Variants in LRRC74B observed in about 807,000 individuals in gnomAD.
The protein encoded by LRRC74B is leucine-rich repeat-containing protein 74B.
A neutral mutation model predicts 16.6 loss-of-function variants in LRRC74B; 30 were observed. That is an observed-to-expected ratio of 1.80 (90% confidence interval 1.35 to 2.45). The LOEUF is 2.45. LRRC74B is among the 30% of genes most tolerant of loss of function. LRRC74B has a pLI of 0.00. For synonymous variants in LRRC74B, 134 were observed against 86.0 expected, an observed-to-expected ratio of 1.56 and a Z score of -3.09; for missense variants, 326 against 202.4, an observed-to-expected ratio of 1.61 and a Z score of -3.71.
intron 1 of LRRC74B, among the ~76,000 whole-genome samples, chr22:21,046,532 A>G (rs1929451070): frequency 1.3e-5 from 2 of 152,126 alleles, no homozygotes; most frequent in South Asian, 4.1e-4. Context: ...ATTAGCTACC[A>G]CCACTAGCTG....
chr22:21,060,586 C>T (rs592302), downstream of LRRC74B: 1 of 662,098 alleles, frequency 1.5e-6, no homozygotes, highest in East Asian at 2.7e-5. Context: ...GGGTGAGGAG[C>T]TCTTTGACTC....
chr22:21,049,825 T>A (rs190151960), intron 4 of LRRC74B, among the ~76,000 whole-genome samples: 6 of 152,196 alleles, frequency 3.9e-5, no homozygotes, highest in African/African-American at 1.4e-4. Flanking sequence ...CTTGATCTCA[T>A]CACTGTCATG....
At chr22:21,046,299 TC>T (rs1384755841) in intron 1 of LRRC74B, among the ~76,000 whole-genome samples, 174 bp downstream of exon 1, 10 of 135,452 alleles carry the variant, frequency 7.4e-5, no homozygotes, top group Admixed American at 2.2e-4. Context: ...AAATGCAAAA[TC>T]CCGCCAGACA....
chr22:21,052,722 T>C (rs1046821047), intron 5 of LRRC74B, among the ~76,000 whole-genome samples: 2 of 152,166 alleles, frequency 1.3e-5, no homozygotes, highest in African/African-American at 4.8e-5. Context: ...GCACAGCCTC[T>C]CAAACACCCA....
intron 8 of LRRC74B, among the ~76,000 whole-genome samples, chr22:21,058,196 G>A (rs957824766): frequency 4.6e-5 from 7 of 151,764 alleles, no homozygotes; most frequent in South Asian, 2.1e-4. Flanking sequence ...CATTGCGCCT[G>A]GCGAATTTTG....
intron 1 of LRRC74B, 44 bp from the exon 2 acceptor site, chr22:21,047,312 T>C: frequency 1.4e-6 from 1 of 706,324 alleles, no homozygotes; most frequent in Non-Finnish European, 2.6e-6. Flanking sequence ...CACAGGTGGC[T>C]GTAGCTGTGC....
chr22:21,046,527 C>G (rs1929450571), intron 1 of LRRC74B, among the ~76,000 whole-genome samples: 1 of 152,172 alleles, frequency 6.6e-6, no homozygotes, highest in Non-Finnish European at 1.5e-5. Flanking sequence ...GCAGGATTAG[C>G]TACCACCACT....
downstream of LRRC74B, among the ~76,000 whole-genome samples, chr22:21,061,570 G>A (rs1930807944): frequency 6.6e-6 from 1 of 152,210 alleles, no homozygotes; most frequent in Non-Finnish European, 1.5e-5. Context: ...GCTGAGGTAG[G>A]AGGATTGCTT....
In LRRC74B at chr22:21,055,091, G is replaced by T. The variant is rs1307307317; in HGVS notation, c.849-7G>T. 7.0e-6 allele frequency: 5 copies of T among 716,822 alleles called. No homozygotes were observed. The East Asian group carries it at 1.3e-4, about 19-fold the overall frequency. 44.4% of individuals were successfully genotyped at this position (716,822 alleles called of 1,614,324 possible). A position where few individuals can be genotyped will look rare whatever the true frequency, so the allele number is the denominator to read the frequency against. ...CACAATGCATGTGCCTGTTGTTTTT[G>T]TTGCAGTAACAACCGCATCTCTGCG... On this transcript the variant is annotated splice_region_variant and splice_polypyrimidine_tract_variant and intron_variant, in intron 6 of 8. Transcript: ENST00000442047.
intron 8 of LRRC74B, among the ~76,000 whole-genome samples, chr22:21,058,665 C>T (rs1330344739): frequency 1.3e-5 from 2 of 152,168 alleles, no homozygotes; most frequent in African/African-American, 2.4e-5. Context: ...CGATGTCAAA[C>T]GTCCTTACCA....
At chr22:21,048,227 C>T (rs1459762475) in intron 3 of LRRC74B, 16 of 559,812 alleles carry the variant, frequency 2.9e-5, no homozygotes, top group African/African-American at 5.7e-5. Context: ...TCCTCACCCA[C>T]CCCACACCAT....
chr22:21,059,130 G>A lies in LRRC74B; in HGVS notation c.1024-1243G>A, dbSNP rs1165677209. ...TGGCCGGAGTTGGTAGCTCATGCCT[G>A]TAATCCCAGAACTTTGGGAGGCCGA... On this transcript the variant is annotated intron_variant, in intron 8 of 8. Coordinates refer to ENST00000442047, the Ensembl canonical transcript of LRRC74B. Among the ~76,000 whole-genome samples the A allele has an allele frequency of 2.0e-5, 3 of 152,120 alleles. 1 individual carries two copies. Among genetic ancestry groups the A allele is most frequent in the African/African-American group, 7.2e-5 (3 of 41,426 alleles).
chr22:21,046,166 G>A lies in LRRC74B; in HGVS notation c.139+41G>A, dbSNP rs1020869671. ...GGCAGGCCCGACTCCTCCCCTTTGG[G>A]GGTCTTCTCCCGCAGGGGTTGGGGG... is the stretch of plus-strand genomic sequence containing the variant. On this transcript the variant is annotated intron_variant, in intron 1 of 8. Transcript: ENST00000442047. 2.5e-5 allele frequency: 18 copies of A among 713,386 alleles called. 1 individual carries two copies. The highest frequency in any genetic ancestry group is 4.7e-5 in the Non-Finnish European group (18 of 384,270). 44.2% of individuals were successfully genotyped at this position (713,386 alleles called of 1,614,324 possible).
intron 6 of LRRC74B, among the ~76,000 whole-genome samples, chr22:21,054,607 G>A (rs1024439988): frequency 1.3e-5 from 2 of 152,250 alleles, no homozygotes; most frequent in Non-Finnish European, 2.9e-5. Flanking sequence ...AAGACTGGAG[G>A]CAGCCGCGGA....
intron 8 of LRRC74B, among the ~76,000 whole-genome samples, chr22:21,058,513 CA>C (rs902254312): frequency 3.3e-5 from 5 of 149,334 alleles, no homozygotes; most frequent in Admixed American, 6.7e-5. Context: ...GATTCTGTCT[CA>C]AAAAAAAAGG....
chr22:21,051,341 T>C (rs761839992), intron 4 of LRRC74B, among the ~76,000 whole-genome samples: 19 of 152,298 alleles, frequency 1.2e-4, no homozygotes, highest in Admixed American at 3.3e-4. Context: ...TCGGCCATGT[T>C]GCTCCGCCTT....
chr22:21,058,042 C>T (rs1490174108), intron 8 of LRRC74B, among the ~76,000 whole-genome samples: 4 of 149,080 alleles, frequency 2.7e-5, no homozygotes, highest in East Asian at 2.0e-4. Flanking sequence ...TGTGCCACCA[C>T]GCCCGGCTGA....
At chr22:21,047,263 C>G (rs1929522083) in intron 1 of LRRC74B, 93 bp from the exon 2 acceptor site, 1 of 637,526 alleles carries the variant, frequency 1.6e-6, no homozygotes, top group Admixed American at 2.5e-5. Flanking sequence ...CTTCTAGAGG[C>G]AAAACATAGG....
intron 3 of LRRC74B, chr22:21,048,300 C>T (rs959808354): frequency 2.3e-6 from 1 of 430,706 alleles, no homozygotes; most frequent in Admixed American, 3.5e-5. Flanking sequence ...ACTCCCAGTA[C>T]CTGAATGCAG....
Sources: allele counts gnomAD v4.1 joint callset (sites outside exome capture counted in the v4.1 genomes callset), GRCh38; gene constraint gnomAD v4.1.1; transcripts MANE v1.5; gene names NCBI Gene and HGNC (gene_info 2026-07-23, HGNC 2026-07-21).